PARD3B: variants seen among roughly 807,000 people sequenced by gnomAD.
The protein encoded by PARD3B is partitioning defective 3 homolog B.
PARD3B carries 103 observed loss-of-function variants against 130.2 expected under a neutral mutation model. The ratio of observed to expected loss-of-function variants is 0.79; its 90% CI spans 0.67 to 0.93. The LOEUF (loss-of-function observed/expected upper bound fraction) is 0.93, where lower values mean the gene tolerates loss of function less well. PARD3B is among the 40% of genes least tolerant of loss of function. The probability of loss-of-function intolerance (pLI) is 0.00; values close to 1 mark genes in which losing one functional copy is unlikely to be tolerated. For synonymous variants in PARD3B, 583 were observed against 553.2 expected (o/e 1.05, Z -0.76); for missense variants, 1,609 against 1,499.2 (o/e 1.07, Z -1.21).
At chr2:205,249,015 T>G (rs894957987) in intron 16 of PARD3B, among the ~76,000 whole-genome samples, 50 of 145,714 alleles carry the variant, frequency 3.4e-4, no homozygotes, top group East Asian at 6.0e-4. Context: ...AGTTTTTTTT[T>G]TTTTTTTTTT....
At chr2:205,172,709 T>C (rs533435107) in intron 12 of PARD3B, among the ~76,000 whole-genome samples, 11 of 152,324 alleles carry the variant, frequency 7.2e-5, no homozygotes, top group Admixed American at 7.2e-4. Context: ...AAGTGTCTAA[T>C]CACATGTGTA....
intron 4 of PARD3B, among the ~76,000 whole-genome samples, chr2:205,059,109 C>T (rs570580548): frequency 4.6e-5 from 7 of 151,920 alleles, no homozygotes; most frequent in East Asian, 3.9e-4. Flanking sequence ...TTTTTGTACA[C>T]GGTATTAGAT....
At position 205,125,424 on chromosome 2, in the gene PARD3B, A is replaced by G. The variant is rs554501923; in HGVS notation, c.1306-185A>G. 6.6e-6 allele frequency among the ~76,000 whole-genome samples: 1 copy of G among 152,326 alleles called. No individual in the cohort carries two copies. Among genetic ancestry groups the G allele is most frequent in the African/African-American group, 2.4e-5 (1 of 41,576 alleles). ...GATATTAATTACCGACTCTGAGTTC[A>G]TCCAGCATCATGATGATGCATTATG... is the stretch of plus-strand genomic sequence containing the variant. On this transcript the variant is annotated intron_variant, in intron 9 of 22. Coordinates refer to ENST00000406610, the MANE Select transcript of PARD3B (RefSeq NM_001302769.2). The surrounding 1 kb of genome is among the most constrained non-coding windows in gnomAD (Gnocchi z 4.0).
intron 4 of PARD3B, among the ~76,000 whole-genome samples, chr2:205,058,348 A>G (rs1699862115): frequency 6.6e-6 from 1 of 151,980 alleles, no homozygotes; most frequent in Non-Finnish European, 1.5e-5. Flanking sequence ...CTCTTGATGG[A>G]CACTTGAGTT....
intron 15 of PARD3B, among the ~76,000 whole-genome samples, chr2:205,223,225 AAG>A (rs2038340401): frequency 6.6e-6 from 1 of 152,194 alleles, no homozygotes; most frequent in Non-Finnish European, 1.5e-5. Context: ...AAAAGGTAAA[AAG>A]GGTACAAATC....
chr2:204,953,036 A>G (rs1468689848), intron 2 of PARD3B, among the ~76,000 whole-genome samples: 1 of 144,418 alleles, frequency 6.9e-6, no homozygotes, highest in Non-Finnish European at 1.5e-5. Flanking sequence ...GTGTGTATAT[A>G]TGTATATATG....
At chr2:204,567,305 C>T (rs1461313432) in intron 1 of PARD3B, among the ~76,000 whole-genome samples, 1 of 152,074 alleles carries the variant, frequency 6.6e-6, no homozygotes, top group Non-Finnish European at 1.5e-5. Context: ...CTGTCGCCAC[C>T]ACCCACCTAC....
chr2:204,868,568 C>T (rs573580969), intron 2 of PARD3B, among the ~76,000 whole-genome samples: 22 of 152,086 alleles, frequency 1.4e-4, no homozygotes, highest in Non-Finnish European at 2.6e-4. Context: ...TGAGGAAGAC[C>T]GTGAAACCCG....
chr2:204,714,001 G>A (rs2038597342), intron 2 of PARD3B, among the ~76,000 whole-genome samples: 1 of 152,090 alleles, frequency 6.6e-6, no homozygotes, highest in Non-Finnish European at 1.5e-5. Flanking sequence ...ATATATGTAT[G>A]TTTATTAACA....
intron 21 of PARD3B, among the ~76,000 whole-genome samples, chr2:205,506,089 CT>C (rs199746209): frequency 0.012 from 1,821 of 152,276 alleles, 22 homozygotes; most frequent in Non-Finnish European, 0.018. Context: ...AACCCCAGCA[CT>C]TTGGGAGGCT....
At chr2:204,866,653 T>G (rs1173468853) in intron 2 of PARD3B, among the ~76,000 whole-genome samples, 3 of 151,582 alleles carry the variant, frequency 2.0e-5, no homozygotes, top group African/African-American at 7.3e-5. Flanking sequence ...TGTATGTGAT[T>G]AAAAGATATA....
At chr2:204,658,191 A>G (rs988765655) in intron 1 of PARD3B, among the ~76,000 whole-genome samples, 8 of 152,194 alleles carry the variant, frequency 5.3e-5, no homozygotes, top group African/African-American at 1.9e-4. Flanking sequence ...GACACTTTGA[A>G]GACTAAAAGT....
At chr2:205,051,888 C>CTAA (rs1198713824) in intron 4 of PARD3B, among the ~76,000 whole-genome samples, 2 of 152,114 alleles carry the variant, frequency 1.3e-5, no homozygotes, top group African/African-American at 4.8e-5. Context: ...GTCAACATAC[C>CTAA]TAATTATCAG....
In PARD3B at chr2:205,446,515, C is replaced by G. The variant is rs527497788; in HGVS notation, c.3044+5843C>G. 5.9e-5 allele frequency among the ~76,000 whole-genome samples: 9 copies of G among 152,016 alleles called. No homozygotes were observed. The highest frequency in any genetic ancestry group is 1.2e-4 in the Non-Finnish European group (8 of 68,008). On this transcript the variant is annotated intron_variant, in intron 20 of 22. Transcript: ENST00000406610. The surrounding 1 kb of genome is among the most constrained non-coding windows in gnomAD (Gnocchi z 4.4). ...AAACATACCCTATTTGTCCATATAT[C>G]TCTGTCACATAGGAACAGATCGTGT...
At chr2:205,582,668 G>GT (rs76102730) in intron 22 of PARD3B, among the ~76,000 whole-genome samples, 8,040 of 141,758 alleles carry the variant, frequency 0.057, 595 homozygotes, top group African/African-American at 0.17. Flanking sequence ...GAAGGTTATT[G>GT]TTTTTTTTTT....
chr2:204,604,219 G>T (rs1168184888), intron 1 of PARD3B, among the ~76,000 whole-genome samples: 2 of 152,126 alleles, frequency 1.3e-5, no homozygotes, highest in Non-Finnish European at 2.9e-5. Context: ...CATCCTGAGT[G>T]CTTTTCCTCA....
rs114786895 is a variant in PARD3B at position 205,478,620 on chromosome 2, G to A, written c.3045-21276G>A. ...TCCTGCTCAAGATTTCAGCTACCTCGGCAGAGTGCTAGAAAGCGATATGCT... is the reference window on the plus strand; with the variant it reads ...TCCTGCTCAAGATTTCAGCTACCTCAGCAGAGTGCTAGAAAGCGATATGCT... On this transcript the variant is annotated intron_variant, in intron 20 of 22. Transcript: ENST00000406610. 3.1e-3 allele frequency among the ~76,000 whole-genome samples: 469 copies of A among 151,216 alleles called. 2 individuals carry two copies. The highest frequency in any genetic ancestry group is 4.5e-3 in the Non-Finnish European group (309 of 68,018).
At chr2:205,118,848 A>C (rs962883751) in intron 6 of PARD3B, 73 bp from the exon 7 acceptor site, 2 of 1,055,788 alleles carry the variant, frequency 1.9e-6, no homozygotes, top group African/African-American at 3.3e-5. Context: ...TGTATTTCTG[A>C]ATAGTTGCAA....
intron 22 of PARD3B, 138 bp from the exon 23 acceptor site, chr2:205,615,318 G>A (rs1366422554): frequency 5.4e-5 from 34 of 626,938 alleles, no homozygotes; most frequent in Admixed American, 1.3e-4. Flanking sequence ...TTAAGGGCAC[G>A]TATCACTTCT....
Sources: allele counts gnomAD v4.1 joint callset (sites outside exome capture counted in the v4.1 genomes callset), GRCh38; gene constraint gnomAD v4.1.1; non-coding constraint Gnocchi (gnomAD v3.1); transcripts MANE v1.5; gene names NCBI Gene and HGNC (gene_info 2026-07-23, HGNC 2026-07-21).